ATP9B: variants seen among roughly 807,000 people sequenced by gnomAD.
The protein encoded by ATP9B is probable phospholipid-transporting ATPase IIB.
In ATP9B, 110 loss-of-function variants were observed where a neutral mutation model predicts 146.1. The observed-to-expected ratio is 0.75, with a 90% CI of 0.65 to 0.88. The LOEUF is 0.88. Ranked by LOEUF, ATP9B falls within the 40% of genes least tolerant of loss-of-function variation. ATP9B has a pLI of 0.00. For missense variants in ATP9B, 1,499 were observed against 1,496.4 expected, an observed-to-expected ratio of 1.00 and a Z score of -0.03; for synonymous variants, 604 against 569.7, an observed-to-expected ratio of 1.06 and a Z score of -0.86.
chr18:79,372,801 G>A (rs765355753), intron 26 of ATP9B, 24 bp from the exon 27 acceptor site: 29 of 1,561,948 alleles, frequency 1.9e-5, no homozygotes, highest in Admixed American at 1.5e-4. Flanking sequence ...GCGCACTAAC[G>A]ACGCTCTTCC....
chr18:79,295,012 A>C (rs141732746), intron 13 of ATP9B, among the ~76,000 whole-genome samples: 6 of 152,316 alleles, frequency 3.9e-5, no homozygotes, highest in African/African-American at 1.4e-4. Flanking sequence ...TTTCAAATTT[A>C]CATACAAAAA....
intron 11 of ATP9B, among the ~76,000 whole-genome samples, chr18:79,215,577 C>A (rs1028381275): frequency 2.0e-5 from 3 of 152,138 alleles, no homozygotes; most frequent in African/African-American, 7.2e-5. Context: ...AATAGTGTTA[C>A]AATTATTTAA....
chr18:79,318,395 C>T (rs563931779), intron 15 of ATP9B, among the ~76,000 whole-genome samples: 5 of 152,290 alleles, frequency 3.3e-5, no homozygotes, highest in South Asian at 4.1e-4. Flanking sequence ...GCCCCACAGC[C>T]CCAGTCTACT....
chr18:79,102,979 T>C (rs2075387482), intron 2 of ATP9B, among the ~76,000 whole-genome samples: 1 of 152,250 alleles, frequency 6.6e-6, no homozygotes, highest in South Asian at 2.1e-4. Flanking sequence ...TCCTTTATCC[T>C]ATAACCTTGC....
intron 2 of ATP9B, among the ~76,000 whole-genome samples, chr18:79,100,743 C>CA (rs1282814587): frequency 6.6e-6 from 1 of 152,156 alleles, no homozygotes; most frequent in African/African-American, 2.4e-5. Flanking sequence ...CAGTTAGACT[C>CA]ACAGTAGTTC....
chr18:79,157,818 C>G (rs2094818023), intron 7 of ATP9B, among the ~76,000 whole-genome samples: 2 of 152,164 alleles, frequency 1.3e-5, no homozygotes, highest in Admixed American at 6.5e-5. Context: ...GATTTCCTTA[C>G]AGTCCTTTTT....
chr18:79,069,789 G>A (rs2071499611), intron 1 of ATP9B, among the ~76,000 whole-genome samples: 1 of 152,244 alleles, frequency 6.6e-6, no homozygotes, highest in African/African-American at 2.4e-5. Flanking sequence ...CGGGAGCAGA[G>A]AACCGCGGTC....
At chr18:79,344,020 A>G (rs1240300339) in intron 20 of ATP9B, 5 of 561,364 alleles carry the variant, frequency 8.9e-6, no homozygotes, top group Non-Finnish European at 1.6e-5. Context: ...TCCTCACTAT[A>G]CGTTTCCTGC....
chr18:79,311,368 C>T (rs747578360), intron 15 of ATP9B, among the ~76,000 whole-genome samples: 1 of 152,072 alleles, frequency 6.6e-6, no homozygotes. Flanking sequence ...GTACACTTTT[C>T]GTGGTGGTGA....
chr18:79,166,091 G>C (rs1159696132), intron 7 of ATP9B, among the ~76,000 whole-genome samples: 1 of 152,172 alleles, frequency 6.6e-6, no homozygotes. Flanking sequence ...GTTCTGCCCA[G>C]GGTGAGAGAC....
chr18:79,316,315 A>G (rs2096679677), intron 15 of ATP9B, among the ~76,000 whole-genome samples: 1 of 152,100 alleles, frequency 6.6e-6, no homozygotes, highest in Admixed American at 6.5e-5. Context: ...ACAGGGAAAA[A>G]TGTCCACTGC....
intron 11 of ATP9B, among the ~76,000 whole-genome samples, chr18:79,219,663 C>G (rs2095659890): frequency 6.6e-6 from 1 of 152,164 alleles, no homozygotes; most frequent in African/African-American, 2.4e-5. Flanking sequence ...CTCCCCTCTT[C>G]TCTTTCTTTC....
At chr18:79,289,780 A>T (rs1478168223) in intron 13 of ATP9B, among the ~76,000 whole-genome samples, 2 of 152,082 alleles carry the variant, frequency 1.3e-5, no homozygotes, top group African/African-American at 2.4e-5. Context: ...TGATGTACAG[A>T]TTAGTTTTTG....
chr18:79,301,308 A>G (rs892050605), intron 13 of ATP9B, among the ~76,000 whole-genome samples: 1 of 152,172 alleles, frequency 6.6e-6, no homozygotes, highest in African/African-American at 2.4e-5. Context: ...CCTGGCCAAC[A>G]TGGTGAAACC....
intron 15 of ATP9B, among the ~76,000 whole-genome samples, chr18:79,327,730 G>C (rs1347740691): frequency 4.5e-5 from 6 of 134,786 alleles, no homozygotes; most frequent in African/African-American, 1.5e-4. Flanking sequence ...CGTGCTCGCC[G>C]TGGTTAGCGT....
chr18:79,339,274 A>AGTGTGTCATGATCACAGTAGGAAGT (rs1555866257), intron 19 of ATP9B, among the ~76,000 whole-genome samples: 6 of 151,814 alleles, frequency 4.0e-5, no homozygotes, highest in African/African-American at 1.5e-4. Flanking sequence ...CACAGTAGGA[A>AGTGTGTCATGATCACAGTAGGAAGT]GTGTGTCATG....
chr18:79,088,401 C>T (rs485541), intron 1 of ATP9B, among the ~76,000 whole-genome samples: 20,190 of 152,100 alleles, frequency 0.13, 1,950 homozygotes, highest in African/African-American at 0.27. Context: ...GAAGTGATCT[C>T]ATACAGAGAA....
At chr18:79,327,869 TCTCC>T (rs2096766218) in intron 15 of ATP9B, among the ~76,000 whole-genome samples, 1 of 109,832 alleles carries the variant, frequency 9.1e-6, no homozygotes. Flanking sequence ...GTTAGCGTGC[TCTCC>T]ATGGATAGTG....
At chr18:79,315,739 T>C (rs2096675988) in intron 15 of ATP9B, among the ~76,000 whole-genome samples, 1 of 152,252 alleles carries the variant, frequency 6.6e-6, no homozygotes, top group Non-Finnish European at 1.5e-5. Context: ...TGTGCTACTC[T>C]TGGGTCTGTT....
Sources: allele counts gnomAD v4.1 joint callset (sites outside exome capture counted in the v4.1 genomes callset), GRCh38; gene constraint gnomAD v4.1.1; transcripts MANE v1.5; gene names NCBI Gene and HGNC (gene_info 2026-07-23, HGNC 2026-07-21).